Variants in CDK14 observed in about 807,000 individuals in gnomAD.
The protein encoded by CDK14 is cyclin dependent kinase 14, also known as cyclin-dependent kinase 14.
In CDK14, 34 loss-of-function variants were observed where a neutral mutation model predicts 60.7. That is an observed-to-expected ratio of 0.56 (90% CI 0.43 to 0.75). CDK14 has a LOEUF of 0.75. Among genes scored for constraint, CDK14 ranks in the 30% least tolerant of loss-of-function variants. CDK14 has a pLI of 0.00. For missense variants in CDK14, 482 were observed against 564.1 expected (o/e 0.85, Z 1.47); for synonymous variants, 197 against 203.7 (o/e 0.97, Z 0.28).
chr7:90,789,561 T>G (rs1805740730), intron 4 of CDK14, among the ~76,000 whole-genome samples: 1 of 152,000 alleles, frequency 6.6e-6, no homozygotes, highest in East Asian at 1.9e-4. Flanking sequence ...ATTTACATAG[T>G]GTTTATATTG....
chr7:91,055,864 T>C (rs1488055834), intron 11 of CDK14, among the ~76,000 whole-genome samples: 2 of 152,340 alleles, frequency 1.3e-5, no homozygotes, highest in South Asian at 2.1e-4. Flanking sequence ...AATAAAACAT[T>C]TGGTTGAGTT....
intron 14 of CDK14, among the ~76,000 whole-genome samples, chr7:91,205,950 C>A (rs2116023608): frequency 6.6e-6 from 1 of 152,222 alleles, no homozygotes; most frequent in East Asian, 1.9e-4. Flanking sequence ...CACACACCAC[C>A]ACGCCTGGCT....
At chr7:90,827,099 C>G (rs568400828) in intron 5 of CDK14, among the ~76,000 whole-genome samples, 2 of 150,730 alleles carry the variant, frequency 1.3e-5, no homozygotes, top group Non-Finnish European at 3.0e-5. Flanking sequence ...TGTCTTCCAT[C>G]TACTTACACC....
intron 2 of CDK14, among the ~76,000 whole-genome samples, chr7:90,707,618 T>A (rs2116632511): frequency 6.6e-6 from 1 of 152,340 alleles, no homozygotes; most frequent in East Asian, 1.9e-4. Flanking sequence ...CAGGGCCCTT[T>A]CTGCCCTGGC....
intron 14 of CDK14, among the ~76,000 whole-genome samples, chr7:91,146,528 A>G (rs1800645298): frequency 6.6e-6 from 1 of 152,176 alleles, no homozygotes; most frequent in Non-Finnish European, 1.5e-5. Context: ...AGTCGTGCCA[A>G]CAGTAATTGG....
At position 91,077,765 on chromosome 7, in the gene CDK14, C is replaced by G. The variant is rs956197624; in HGVS notation, c.1106-1667C>G. On this transcript the variant is annotated intron_variant, in intron 11 of 14. Coordinates refer to ENST00000380050, the MANE Select transcript of CDK14 (RefSeq NM_001287135.2). Reference sequence around the variant, plus strand: ...TTATACACACACACACACACACACACACACACACACGGGCAAACTTGATCA... The same window carrying G: ...TTATACACACACACACACACACACAGACACACACACGGGCAAACTTGATCA... Among the ~76,000 whole-genome samples the G allele has an allele frequency of 8.4e-4, 128 of 151,734 alleles. 2 individuals are homozygous for G. Among genetic ancestry groups the G allele is most frequent in the Admixed American group, 1.2e-3 (18 of 15,240 alleles).
intron 11 of CDK14, among the ~76,000 whole-genome samples, chr7:91,069,258 G>T (rs946591001): frequency 6.6e-6 from 1 of 152,180 alleles, no homozygotes; most frequent in African/African-American, 2.4e-5. Context: ...CAGACAAGAA[G>T]TCAGGCACAG....
chr7:91,097,703 G>C (rs1461228690), intron 12 of CDK14, among the ~76,000 whole-genome samples: 1 of 152,154 alleles, frequency 6.6e-6, no homozygotes, highest in Admixed American at 6.5e-5. Context: ...TGTGACTGAG[G>C]CTACGTTGCT....
intron 2 of CDK14, among the ~76,000 whole-genome samples, chr7:90,695,898 G>A (rs2116599292): frequency 6.6e-6 from 1 of 152,294 alleles, no homozygotes. Context: ...CCTGGTTGGG[G>A]TGTAGCAATT....
intron 5 of CDK14, among the ~76,000 whole-genome samples, chr7:90,815,729 A>T (rs1029341327): frequency 6.6e-6 from 1 of 152,236 alleles, no homozygotes; most frequent in Admixed American, 6.5e-5. Context: ...ATGGAATACT[A>T]TGCAGCCATA....
chr7:90,620,502 T>C (rs1295879508), intron 2 of CDK14, among the ~76,000 whole-genome samples: 1 of 152,146 alleles, frequency 6.6e-6, no homozygotes, highest in Non-Finnish European at 1.5e-5. Context: ...ATCTTCCAGC[T>C]TGTCCCCGTA....
chr7:90,878,093 TGA>T (rs1032159968), intron 6 of CDK14, among the ~76,000 whole-genome samples: 17 of 149,560 alleles, frequency 1.1e-4, no homozygotes, highest in East Asian at 7.8e-4. Flanking sequence ...TGTGTGTGTG[TGA>T]GAGAGAGAGA....
intron 2 of CDK14, among the ~76,000 whole-genome samples, chr7:90,615,446 G>A (rs778667496): frequency 6.6e-6 from 1 of 152,146 alleles, no homozygotes; most frequent in Non-Finnish European, 1.5e-5. Flanking sequence ...TCAGAGTTTG[G>A]GAACTATTCT....
chr7:90,720,558 TA>T (rs1371936478), intron 2 of CDK14, among the ~76,000 whole-genome samples: 2 of 152,212 alleles, frequency 1.3e-5, no homozygotes, highest in Non-Finnish European at 2.9e-5. Context: ...TAAATTCCCT[TA>T]ATGTCATATA....
At chr7:90,943,798 T>C (rs897722585) in intron 8 of CDK14, among the ~76,000 whole-genome samples, 2 of 152,228 alleles carry the variant, frequency 1.3e-5, no homozygotes, top group African/African-American at 4.8e-5. Flanking sequence ...AGTCTCAAGG[T>C]GAAAACAGAG....
chr7:90,977,629 T>A (rs1158738963), intron 9 of CDK14, among the ~76,000 whole-genome samples: 1 of 152,126 alleles, frequency 6.6e-6, no homozygotes, highest in African/African-American at 2.4e-5. Context: ...ACTCATGATG[T>A]TAACCTTTGT....
intron 5 of CDK14, among the ~76,000 whole-genome samples, chr7:90,848,627 A>T (rs1187720685): frequency 6.6e-6 from 1 of 152,180 alleles, no homozygotes; most frequent in Non-Finnish European, 1.5e-5. Flanking sequence ...GGAGCAGCAG[A>T]GGGCTAGTGA....
At chr7:90,880,209 G>A (rs1791700977) in intron 6 of CDK14, among the ~76,000 whole-genome samples, 1 of 152,252 alleles carries the variant, frequency 6.6e-6, no homozygotes, top group African/African-American at 2.4e-5. Context: ...GGCAAGGGAA[G>A]GGTGGCTGTC....
chr7:90,693,742 C>T (rs974264558), intron 2 of CDK14, among the ~76,000 whole-genome samples: 27 of 152,136 alleles, frequency 1.8e-4, no homozygotes, highest in African/African-American at 6.0e-4. Context: ...AATGGTTGCT[C>T]TGTGTATTTA....
Sources: allele counts gnomAD v4.1 joint callset (sites outside exome capture counted in the v4.1 genomes callset), GRCh38; gene constraint gnomAD v4.1.1; transcripts MANE v1.5; gene names NCBI Gene and HGNC (gene_info 2026-07-23, HGNC 2026-07-21).